Variants in TAX1BP1 observed in about 807,000 individuals in gnomAD.
TAX1BP1 encodes tax1-binding protein 1.
In TAX1BP1, 62 loss-of-function variants were observed where a neutral mutation model predicts 97.7. The ratio of observed to expected loss-of-function variants is 0.63; its 90% CI spans 0.52 to 0.78. The LOEUF is 0.78. Among genes scored for constraint, TAX1BP1 ranks in the 30% least tolerant of loss-of-function variants. The probability of loss-of-function intolerance (pLI) is 0.00; values close to 1 mark genes in which losing one functional copy is unlikely to be tolerated. For synonymous variants in TAX1BP1, 340 were observed against 304.2 expected, an observed-to-expected ratio of 1.12 and a Z score of -1.23; for missense variants, 867 against 916.1, an observed-to-expected ratio of 0.95 and a Z score of 0.69.
At chr7:27,827,655 C>A in intron 15 of TAX1BP1, 83 bp from the exon 16 acceptor site, 2 of 1,046,840 alleles carry the variant, frequency 1.9e-6, no homozygotes, top group Non-Finnish European at 2.9e-6. Context: ...TTCTTTTATA[C>A]TGTCAGTATG....
At chr7:27,823,040 T>C (rs1244765774) in intron 15 of TAX1BP1, among the ~76,000 whole-genome samples, 2 of 152,196 alleles carry the variant, frequency 1.3e-5, no homozygotes, top group Non-Finnish European at 2.9e-5. Flanking sequence ...AGTAAAACTT[T>C]TGAAAACTAA....
chr7:27,776,892 T>C (rs1789054368), intron 5 of TAX1BP1, among the ~76,000 whole-genome samples: 1 of 152,034 alleles, frequency 6.6e-6, no homozygotes, highest in Non-Finnish European at 1.5e-5. Flanking sequence ...CCAAGTTCAC[T>C]AATCTTTTCT....
At chr7:27,783,149 C>T (rs916766399) in intron 5 of TAX1BP1, among the ~76,000 whole-genome samples, 1 of 152,068 alleles carries the variant, frequency 6.6e-6, no homozygotes, top group African/African-American at 2.4e-5. Flanking sequence ...GTTTTCATAT[C>T]GGCATACAAT....
rs780149755 is a variant in TAX1BP1, at chr7:27,817,038, A to G, written c.2085A>G (p.Lys695=). 34 of 1,600,972 alleles carry G rather than the reference A, an allele frequency of 2.1e-5. No individual in the cohort carries two copies. Among genetic ancestry groups the G allele is most frequent in the Middle Eastern group, 1.7e-4 (1 of 6,010 alleles). ...PDGLEDSEDS[K]EDENVPTAPD... is the part of the protein sequence containing the mutation. ...GCTTAGAGGACTCTGAGGATAGCAAAGTAAATTGAATTTTCATTGTGTGAG... is the reference window on the plus strand; with the variant it reads ...GCTTAGAGGACTCTGAGGATAGCAAGGTAAATTGAATTTTCATTGTGTGAG... The change falls in exon 15 of 17, where the codon AAA becomes AAG. Residue 695 remains lysine, a splice_region_variant and synonymous_variant. Transcript: ENST00000396319.
intron 13 of TAX1BP1, among the ~76,000 whole-genome samples, chr7:27,812,333 T>TA: frequency 6.6e-6 from 1 of 152,362 alleles, no homozygotes; most frequent in South Asian, 2.1e-4. Flanking sequence ...TATTTTTTTT[T>TA]ATTGAGCTGT....
At chr7:27,805,692 C>A (rs953261459) in intron 13 of TAX1BP1, among the ~76,000 whole-genome samples, 2 of 152,076 alleles carry the variant, frequency 1.3e-5, no homozygotes, top group Non-Finnish European at 2.9e-5. Flanking sequence ...CAAAAATTAG[C>A]CAGGCATGGT....
chr7:27,796,292 T>C (rs2128319154), intron 12 of TAX1BP1, 73 bp downstream of exon 12: 1 of 1,210,380 alleles, frequency 8.3e-7, no homozygotes, highest in Non-Finnish European at 1.2e-6. Context: ...ATTGTTTCAA[T>C]TGATTGGTAT....
intron 3 of TAX1BP1, among the ~76,000 whole-genome samples, chr7:27,762,893 C>T (rs1303607883): frequency 6.6e-6 from 1 of 152,206 alleles, no homozygotes; most frequent in South Asian, 2.1e-4. Context: ...GCTGGGGTTG[C>T]GGTGAGCCGA....
intron 13 of TAX1BP1, among the ~76,000 whole-genome samples, chr7:27,805,713 A>G (rs1293919303): frequency 6.6e-6 from 1 of 152,040 alleles, no homozygotes; most frequent in African/African-American, 2.4e-5. Flanking sequence ...GGCTCATGCC[A>G]TGAGCCCAGC....
intron 12 of TAX1BP1, among the ~76,000 whole-genome samples, chr7:27,797,327 G>T (rs1189254386): frequency 1.3e-5 from 2 of 152,004 alleles, no homozygotes; most frequent in African/African-American, 2.4e-5. Flanking sequence ...GCTTCATTCA[G>T]ACTTTTCTGG....
At chr7:27,808,234 A>T (rs1020383121) in intron 13 of TAX1BP1, among the ~76,000 whole-genome samples, 1 of 152,248 alleles carries the variant, frequency 6.6e-6, no homozygotes, top group African/African-American at 2.4e-5. Context: ...ATATTAAAAA[A>T]TAGCAACACA....
intron 13 of TAX1BP1, among the ~76,000 whole-genome samples, chr7:27,814,626 GAATT>G (rs1790693100): frequency 6.6e-6 from 1 of 152,066 alleles, no homozygotes; most frequent in African/African-American, 2.4e-5. Context: ...ACTCTAAGTA[GAATT>G]ATTAAAAATA....
intron 5 of TAX1BP1, among the ~76,000 whole-genome samples, chr7:27,774,913 G>A (rs988833209): frequency 2.0e-5 from 3 of 152,054 alleles, no homozygotes; most frequent in Non-Finnish European, 4.4e-5. Context: ...TCCCTCTAGC[G>A]ATCACATAAC....
intron 5 of TAX1BP1, among the ~76,000 whole-genome samples, chr7:27,776,572 C>T (rs1019726953): frequency 1.3e-5 from 2 of 151,856 alleles, no homozygotes; most frequent in African/African-American, 4.8e-5. Flanking sequence ...TTAAGATTTA[C>T]TCTTTATCAT....
At chr7:27,768,699 A>G (rs1208370256) in intron 4 of TAX1BP1, among the ~76,000 whole-genome samples, 1 of 151,998 alleles carries the variant, frequency 6.6e-6, no homozygotes, top group Admixed American at 6.5e-5. Context: ...TAGATAAGAT[A>G]TAAAAAAATT....
chr7:27,763,671 C>T (rs926664177), intron 3 of TAX1BP1, among the ~76,000 whole-genome samples: 3 of 151,688 alleles, frequency 2.0e-5, no homozygotes, highest in South Asian at 2.1e-4. Context: ...GGGAGGCTGA[C>T]GCAGGGGAAT....
intron 13 of TAX1BP1, among the ~76,000 whole-genome samples, chr7:27,813,145 C>CT (rs57301512): frequency 0.11 from 11,578 of 108,896 alleles, 854 homozygotes; most frequent in Middle Eastern, 0.14. Context: ...CTTTGTTCTG[C>CT]TTTTTTTTTT....
At position 27,767,865 on chromosome 7, in the gene TAX1BP1, G is replaced by GT. The variant is rs112573987; in HGVS notation, c.454-1804dup. 2.2e-3 allele frequency among the ~76,000 whole-genome samples: 327 copies of GT among 152,002 alleles called. 2 individuals carry two copies. The highest frequency in any genetic ancestry group is 7.0e-3 in the African/African-American group (291 of 41,488). On this transcript the variant is annotated intron_variant, in intron 4 of 16. Coordinates refer to ENST00000396319, the MANE Select transcript of TAX1BP1 (RefSeq NM_006024.7). ...TAAGTAAATATTTCTGAGATTAAAT[G>GT]TTTTTTTAACAAATATTTTGGTGAG...
intron 5 of TAX1BP1, among the ~76,000 whole-genome samples, chr7:27,777,472 G>A (rs1212135370): frequency 6.6e-6 from 1 of 152,068 alleles, no homozygotes; most frequent in South Asian, 2.1e-4. Flanking sequence ...ACTCTGGCTG[G>A]TAGGAATAAC....
Sources: allele counts gnomAD v4.1 joint callset (sites outside exome capture counted in the v4.1 genomes callset), GRCh38; gene constraint gnomAD v4.1.1; transcripts MANE v1.5; gene names NCBI Gene and HGNC (gene_info 2026-07-23, HGNC 2026-07-21).